Variants in PARD3B observed in about 807,000 individuals in gnomAD.
PARD3B encodes the protein partitioning defective 3 homolog B.
PARD3B carries 103 observed loss-of-function variants against 130.2 expected under a neutral mutation model. The observed-to-expected ratio is 0.79, with a 90% CI of 0.67 to 0.93. The LOEUF is 0.93. Ranked by LOEUF, PARD3B falls within the 40% of genes least tolerant of loss-of-function variation. The pLI, the probability that PARD3B is intolerant of heterozygous loss-of-function variation, is 0.00. For synonymous variants in PARD3B, 583 were observed against 553.2 expected, an observed-to-expected ratio of 1.05 and a Z score of -0.76; for missense variants, 1,609 against 1,499.2, an observed-to-expected ratio of 1.07 and a Z score of -1.21.
chr2:205,313,237 G>A (rs963766909), intron 18 of PARD3B, among the ~76,000 whole-genome samples: 1 of 152,198 alleles, frequency 6.6e-6, no homozygotes, highest in African/African-American at 2.4e-5. Context: ...AGAGACAGAT[G>A]GGCTACTCAT....
At chr2:205,025,617 T>G (rs923941872) in intron 3 of PARD3B, among the ~76,000 whole-genome samples, 1 of 152,086 alleles carries the variant, frequency 6.6e-6, no homozygotes, top group African/African-American at 2.4e-5. Flanking sequence ...ATGCTCTCAC[T>G]TGAGAATCAG....
intron 1 of PARD3B, among the ~76,000 whole-genome samples, chr2:204,620,278 C>T (rs1301540069): frequency 6.6e-6 from 1 of 152,174 alleles, no homozygotes; most frequent in Non-Finnish European, 1.5e-5. Context: ...GCTGGAGTTA[C>T]AGGCGTGAGA....
In PARD3B at chr2:205,021,739, G is replaced by T. The variant is rs1290537210; in HGVS notation, c.395-25842G>T. ...AATAAACTTCCATTTTAAATATGAG[G>T]AAACCAAGACTTAAGGAGGTTAAGG... On this transcript the variant is annotated intron_variant, in intron 3 of 22. Coordinates refer to ENST00000406610, the MANE Select transcript of PARD3B (RefSeq NM_001302769.2). The surrounding 1 kb of genome is among the most constrained non-coding windows in gnomAD (Gnocchi z 4.5). Among the ~76,000 whole-genome samples, 6 of 151,466 alleles carry T rather than the reference G, an allele frequency of 4.0e-5. No individual in the cohort carries two copies. The highest frequency in any genetic ancestry group is 8.8e-5 in the Non-Finnish European group (6 of 67,904).
chr2:205,180,330 A>G (rs2035718522), intron 13 of PARD3B, among the ~76,000 whole-genome samples: 1 of 152,046 alleles, frequency 6.6e-6, no homozygotes, highest in Non-Finnish European at 1.5e-5. Flanking sequence ...AGCAGAATAT[A>G]TAAACATGAT....
rs776829046 is a variant in PARD3B, at chr2:205,530,253, T to C, written c.3181-23071T>C. Among the ~76,000 whole-genome samples the C allele has an allele frequency of 2.0e-5, 3 of 152,162 alleles. No individual in the cohort carries two copies. The highest frequency in any genetic ancestry group is 2.9e-5 in the Non-Finnish European group (2 of 68,034). On this transcript the variant is annotated intron_variant, in intron 21 of 22. Coordinates refer to ENST00000406610, the MANE Select transcript of PARD3B (RefSeq NM_001302769.2). The surrounding 1 kb of genome is among the most constrained non-coding windows in gnomAD (Gnocchi z 4.7). Reference sequence around the variant, plus strand: ...TTGGAGAAAACGTATTATCCTAATATGCTTGAGACCTGTCTTTTGCTACCC... The same window carrying C: ...TTGGAGAAAACGTATTATCCTAATACGCTTGAGACCTGTCTTTTGCTACCC...
intron 1 of PARD3B, among the ~76,000 whole-genome samples, chr2:204,638,534 CTG>C (rs2034965329): frequency 6.6e-6 from 1 of 152,118 alleles, no homozygotes; most frequent in South Asian, 2.1e-4. Context: ...TTAGAGTAAA[CTG>C]GACTTCGGAA....
rs1212588959 is a variant in PARD3B, at chr2:205,309,528, A to G, written c.2630+7827A>G. On this transcript the variant is annotated intron_variant, in intron 18 of 22. Transcript: ENST00000406610. The surrounding 1 kb of genome is among the most constrained non-coding windows in gnomAD (Gnocchi z 4.7). Reference sequence around the variant, plus strand: ...TTTATTTAAACTAGGGGAATTCTATATAAAGACATCCTGCTGTGAATTATT... The same window carrying G: ...TTTATTTAAACTAGGGGAATTCTATGTAAAGACATCCTGCTGTGAATTATT... Among the ~76,000 whole-genome samples, 2 of 152,152 alleles carry G rather than the reference A, an allele frequency of 1.3e-5. No individual in the cohort carries two copies. Among genetic ancestry groups the G allele is most frequent in the African/African-American group, 4.8e-5 (2 of 41,440 alleles).
intron 1 of PARD3B, among the ~76,000 whole-genome samples, chr2:204,649,230 AT>A (rs1480146237): frequency 6.6e-6 from 1 of 151,000 alleles, no homozygotes; most frequent in Admixed American, 6.7e-5. Context: ...TGAACATGTT[AT>A]TTAAAGTGTG....
rs2035941063 is a variant in PARD3B at position 204,664,437 on chromosome 2, A to G, written c.121-21744A>G. Among the ~76,000 whole-genome samples, 2 of 152,218 alleles carry G rather than the reference A, an allele frequency of 1.3e-5. No individual in the cohort carries two copies. Among genetic ancestry groups the G allele is most frequent in the South Asian group, 2.1e-4 (1 of 4,838 alleles). On this transcript the variant is annotated intron_variant, in intron 1 of 22. Transcript: ENST00000406610. This position sits in a 1 kb window ranked among gnomAD's most constrained non-coding sequence, Gnocchi z 5.2. ...AAATAAAATTTTTGCCAGACGGGGC[A>G]TAACTAAATGCTTACCACCCTCCCT...
chr2:205,380,934 G>GAATATATTATATAAAT (rs1559034975), intron 18 of PARD3B, among the ~76,000 whole-genome samples: 8 of 81,394 alleles, frequency 9.8e-5, no homozygotes, highest in Non-Finnish European at 1.2e-4. Flanking sequence ...AATATATAAA[G>GAATATATTATATAAAT]AATATATATA....
At chr2:205,236,432 T>C (rs199873757) in intron 15 of PARD3B, among the ~76,000 whole-genome samples, 1 of 151,680 alleles carries the variant, frequency 6.6e-6, no homozygotes. Context: ...TGTAAAAATT[T>C]GGCACACACA....
intron 18 of PARD3B, among the ~76,000 whole-genome samples, chr2:205,399,017 C>G (rs1160970057): frequency 6.6e-6 from 1 of 152,064 alleles, no homozygotes; most frequent in Non-Finnish European, 1.5e-5. Context: ...GCCTGTAATC[C>G]CAGCACTTTG....
intron 4 of PARD3B, among the ~76,000 whole-genome samples, chr2:205,053,986 A>G (rs1448154753): frequency 6.6e-6 from 1 of 152,162 alleles, no homozygotes; most frequent in African/African-American, 2.4e-5. Flanking sequence ...TGATAAGACC[A>G]GAGCTTGAAG....
Position 204,553,296 on chromosome 2 carries a change from T to C in PARD3B, c.120+7177T>C, listed in dbSNP as rs567936854. ...GGATGTGGTGAACAGTGAACACTTC[T>C]GGTTGGAATGTAAACTAGTACAACC... On this transcript the variant is annotated intron_variant, in intron 1 of 22. Transcript: ENST00000406610. 1.3e-4 allele frequency among the ~76,000 whole-genome samples: 20 copies of C among 152,232 alleles called. No individual in the cohort carries two copies. The South Asian group carries it at 3.7e-3, about 28-fold the overall frequency.
chr2:204,641,061 GTAT>G (rs1313446208), intron 1 of PARD3B, among the ~76,000 whole-genome samples: 5 of 147,000 alleles, frequency 3.4e-5, no homozygotes, highest in South Asian at 2.1e-4. Flanking sequence ...ATATTATATA[GTAT>G]TATATATTGT....
intron 19 of PARD3B, among the ~76,000 whole-genome samples, chr2:205,414,628 G>T (rs753982251): frequency 1.3e-4 from 20 of 151,896 alleles, no homozygotes; most frequent in Non-Finnish European, 2.6e-4. Flanking sequence ...ATCATTTTTT[G>T]AAATAATAGT....
intron 19 of PARD3B, among the ~76,000 whole-genome samples, chr2:205,415,523 T>C (rs973595459): frequency 6.6e-6 from 1 of 152,164 alleles, no homozygotes; most frequent in Non-Finnish European, 1.5e-5. Context: ...CAAGTGTGTA[T>C]ACGACTTAAG....
chr2:205,054,436 A>ATATATATATATATATATTT (rs1411271901), intron 4 of PARD3B, among the ~76,000 whole-genome samples: 2 of 28,440 alleles, frequency 7.0e-5, no homozygotes, highest in African/African-American at 1.5e-4. Context: ...ATATATATAT[A>ATATATATATATATATATTT]TTTTTTTTTT....
chr2:205,468,405 CA>C (rs375274778), intron 20 of PARD3B, among the ~76,000 whole-genome samples: 19 of 152,360 alleles, frequency 1.2e-4, no homozygotes, highest in African/African-American at 4.6e-4. Flanking sequence ...GTAAACCAAT[CA>C]TCCCTCAAGA....
Sources: gnomAD v4.1 joint callset for allele counts (sites outside exome capture counted in the v4.1 genomes callset) on GRCh38, gnomAD v4.1.1 for gene constraint, Gnocchi (gnomAD v3.1) non-coding constraint, MANE v1.5 for transcripts, NCBI Gene and HGNC (gene_info 2026-07-23, HGNC 2026-07-21) for gene names.